CLEC16A: variants seen among roughly 807,000 people sequenced by gnomAD.
CLEC16A encodes protein CLEC16A.
In CLEC16A, 51 loss-of-function variants were observed where a neutral mutation model predicts 109.5. The observed-to-expected ratio is 0.47, with a 90% CI of 0.37 to 0.59. The LOEUF is 0.59. CLEC16A is among the 20% of genes least tolerant of loss of function. CLEC16A has a pLI of 0.00. For missense variants in CLEC16A, 1,339 were observed against 1,394.0 expected (o/e 0.96, Z 0.63); for synonymous variants, 673 against 564.2 (o/e 1.19, Z -2.73).
intron 11 of CLEC16A, among the ~76,000 whole-genome samples, chr16:11,012,254 C>G (rs1257215039): frequency 6.6e-6 from 1 of 152,174 alleles, no homozygotes; most frequent in African/African-American, 2.4e-5. Context: ...GCCCAAAATA[C>G]TTCTAGCATT....
At chr16:11,129,919 C>T (rs1293434570) in intron 22 of CLEC16A, among the ~76,000 whole-genome samples, 3 of 152,102 alleles carry the variant, frequency 2.0e-5, no homozygotes, top group Non-Finnish European at 2.9e-5. Context: ...CCCACCACCA[C>T]GCCCGGTTAA....
intron 4 of CLEC16A, among the ~76,000 whole-genome samples, chr16:10,969,877 T>C (rs760165657): frequency 6.6e-6 from 1 of 152,146 alleles, no homozygotes; most frequent in Non-Finnish European, 1.5e-5. Flanking sequence ...AATATACATC[T>C]TGTAGGGTTA....
chr16:11,122,016 C>G (rs1011693538), intron 20 of CLEC16A, among the ~76,000 whole-genome samples: 2 of 152,036 alleles, frequency 1.3e-5, no homozygotes, highest in Non-Finnish European at 2.9e-5. Context: ...TACCCCTTGT[C>G]CCTGGATGTC....
intron 11 of CLEC16A, among the ~76,000 whole-genome samples, chr16:11,008,812 C>A (rs3179539): frequency 0.27 from 38,172 of 139,662 alleles, 5,261 homozygotes; most frequent in Middle Eastern, 0.33. Flanking sequence ...AACACAGTGA[C>A]ACCCCGTCTC....
chr16:10,993,090 G>A (rs918681358), intron 10 of CLEC16A, among the ~76,000 whole-genome samples: 4 of 152,080 alleles, frequency 2.6e-5, no homozygotes, highest in African/African-American at 4.8e-5. Flanking sequence ...GACGGTTTTC[G>A]TTTTATAGAA....
intron 19 of CLEC16A, among the ~76,000 whole-genome samples, chr16:11,064,790 C>G (rs1017254319): frequency 1.3e-5 from 2 of 151,998 alleles, no homozygotes; most frequent in Non-Finnish European, 2.9e-5. Flanking sequence ...AAAATAAAAA[C>G]AAAACCAAAA....
At chr16:11,059,063 C>G (rs553555631) in intron 18 of CLEC16A, among the ~76,000 whole-genome samples, 31 of 152,338 alleles carry the variant, frequency 2.0e-4, no homozygotes, top group Admixed American at 7.2e-4. Flanking sequence ...TCATACATTC[C>G]TGAGTTCACA....
Position 10,983,106 on chromosome 16 carries a change from A to G in CLEC16A, c.1071+115A>G, listed in dbSNP as rs79958546. The G allele has an allele frequency of 4.6e-3, 2,850 of 622,952 alleles. 12 individuals are homozygous for G. The highest frequency in any genetic ancestry group is 7.0e-3 in the Middle Eastern group (16 of 2,292). 38.6% of individuals were successfully genotyped at this position (622,952 alleles called of 1,614,324 possible). On this transcript the variant is annotated intron_variant, in intron 10 of 23. Transcript: ENST00000409790. ...TCTGAATATATAGCAGTGATGATGC[A>G]TAAGCTGGTCCGGGATTCAGTGAAC...
chr16:11,145,343 A>G (rs1250663040), intron 22 of CLEC16A, among the ~76,000 whole-genome samples: 2 of 152,186 alleles, frequency 1.3e-5, no homozygotes, highest in African/African-American at 2.4e-5. Context: ...AGCCAACAAC[A>G]CTTCCTTGAG....
At chr16:11,025,875 GT>G (rs1215904867) in intron 13 of CLEC16A, among the ~76,000 whole-genome samples, 1 of 152,134 alleles carries the variant, frequency 6.6e-6, no homozygotes, top group Non-Finnish European at 1.5e-5. Flanking sequence ...CCTGCTACCG[GT>G]TTCTCTTGTG....
intron 19 of CLEC16A, among the ~76,000 whole-genome samples, chr16:11,110,886 C>T (rs565613220): frequency 2.6e-5 from 4 of 152,210 alleles, no homozygotes; most frequent in East Asian, 3.8e-4. Context: ...CTCAAGTTGC[C>T]GTGATACTGC....
chr16:11,151,949 C>T, intron 22 of CLEC16A, among the ~76,000 whole-genome samples: 1 of 152,102 alleles, frequency 6.6e-6, no homozygotes, highest in East Asian at 1.9e-4. Context: ...GCTTAATTAA[C>T]GGAACTACAG....
chr16:11,171,151 C>T (rs1349698301), intron 23 of CLEC16A, among the ~76,000 whole-genome samples: 2 of 152,228 alleles, frequency 1.3e-5, no homozygotes. Flanking sequence ...CCATGCCCAT[C>T]AGGGCCGCGG....
intron 15 of CLEC16A, among the ~76,000 whole-genome samples, chr16:11,042,974 G>A (rs928228337): frequency 6.6e-6 from 1 of 150,752 alleles, no homozygotes; most frequent in Admixed American, 6.6e-5. Flanking sequence ...ATTTACATAT[G>A]TAATATGTAA....
At chr16:11,056,602 A>G (rs1339177697) in intron 18 of CLEC16A, 3 of 152,172 alleles carry the variant, frequency 2.0e-5, no homozygotes, top group East Asian at 3.9e-4. Flanking sequence ...TTGTCCCCAC[A>G]TTGTTTCCCT....
intron 22 of CLEC16A, among the ~76,000 whole-genome samples, chr16:11,137,726 T>C (rs911697673): frequency 2.6e-5 from 4 of 151,932 alleles, no homozygotes; most frequent in African/African-American, 7.3e-5. Context: ...GGAGAATTGC[T>C]TGGACCTGGC....
intron 22 of CLEC16A, among the ~76,000 whole-genome samples, chr16:11,142,550 A>T (rs1031105055): frequency 2.0e-5 from 3 of 152,238 alleles, no homozygotes; most frequent in Admixed American, 2.0e-4. Context: ...TCTTTTAAAA[A>T]TCATAATAAG....
intron 19 of CLEC16A, among the ~76,000 whole-genome samples, chr16:11,079,014 G>C (rs2049551225): frequency 6.6e-6 from 1 of 152,198 alleles, no homozygotes; most frequent in South Asian, 2.1e-4. Flanking sequence ...TGTCTTGAGA[G>C]GAAGGGCCTG....
At chr16:11,167,290 G>T (rs1053302319) in intron 23 of CLEC16A, among the ~76,000 whole-genome samples, 2 of 152,302 alleles carry the variant, frequency 1.3e-5, no homozygotes, top group Admixed American at 6.5e-5. Flanking sequence ...AGGATGTTCT[G>T]TGCCCCAGCA....
Sources: allele counts gnomAD v4.1 joint callset (sites outside exome capture counted in the v4.1 genomes callset), GRCh38; gene constraint gnomAD v4.1.1; transcripts MANE v1.5; gene names NCBI Gene and HGNC (gene_info 2026-07-23, HGNC 2026-07-21).